The following KIF26B variants were observed in gnomAD, a reference collection of about 807,000 sequenced individuals.
KIF26B encodes the protein kinesin-like protein KIF26B.
KIF26B carries 63 observed loss-of-function variants against 151.2 expected under a neutral mutation model. That is an observed-to-expected ratio of 0.42 (90% CI 0.34 to 0.51). The LOEUF (loss-of-function observed/expected upper bound fraction) is 0.51. Among genes scored for constraint, KIF26B ranks in the 20% least tolerant of loss-of-function variants. The probability of loss-of-function intolerance (pLI) is 0.07; values close to 1 mark genes in which losing one functional copy is unlikely to be tolerated. For synonymous variants in KIF26B, 1,357 were observed against 1,262.1 expected, an observed-to-expected ratio of 1.08 and a Z score of -1.59; for missense variants, 2,813 against 2,913.6, an observed-to-expected ratio of 0.97 and a Z score of 0.79.
intron 2 of KIF26B, among the ~76,000 whole-genome samples, chr1:245,247,090 T>G (rs1302814974): frequency 1.3e-5 from 2 of 152,098 alleles, no homozygotes; most frequent in African/African-American, 2.4e-5. Flanking sequence ...TGTAAATCAC[T>G]TAGTTTTCTG....
intron 2 of KIF26B, among the ~76,000 whole-genome samples, chr1:245,231,544 A>G (rs1237458896): frequency 6.6e-6 from 1 of 152,158 alleles, no homozygotes; most frequent in East Asian, 1.9e-4. Flanking sequence ...CTAGAATCCA[A>G]GAATTCTTTA....
In KIF26B at chr1:245,562,316, T is replaced by C. The variant is rs115567502; in HGVS notation, c.1350+21366T>C. 5.2e-3 allele frequency among the ~76,000 whole-genome samples: 791 copies of C among 152,246 alleles called. 3 individuals are homozygous for C. The highest frequency in any genetic ancestry group is 8.5e-3 in the Non-Finnish European group (578 of 68,014). On this transcript the variant is annotated intron_variant, in intron 5 of 14. Coordinates refer to ENST00000407071, the MANE Select transcript of KIF26B (RefSeq NM_018012.4). ...GACTCTTCAAAAAAACATAACCTAG[T>C]GGCCCAAATCGCAATTTTACGTTAT...
Position 245,512,275 on chromosome 1 carries a change from C to T in KIF26B, c.1167-28492C>T, listed in dbSNP as rs1002487716. ...CAGAGCTACTGTCCCTCCCACCTGTCCACCCTGCCTGTTTCCCAGCCCCCA... is the reference window on the plus strand; with the variant it reads ...CAGAGCTACTGTCCCTCCCACCTGTTCACCCTGCCTGTTTCCCAGCCCCCA... On this transcript the variant is annotated intron_variant, in intron 4 of 14. Coordinates refer to ENST00000407071, the MANE Select transcript of KIF26B (RefSeq NM_018012.4). This position sits in a 1 kb window ranked among gnomAD's most constrained non-coding sequence, Gnocchi z 4.3. Among the ~76,000 whole-genome samples the T allele has an allele frequency of 6.6e-6, 1 of 152,182 alleles. No homozygotes were observed. Among genetic ancestry groups the T allele is most frequent in the African/African-American group, 2.4e-5 (1 of 41,440 alleles).
chr1:245,534,462 A>C (rs573607368), intron 4 of KIF26B, among the ~76,000 whole-genome samples: 1 of 151,884 alleles, frequency 6.6e-6, no homozygotes, highest in Non-Finnish European at 1.5e-5. Context: ...CACCTGGCCC[A>C]CTTTTTGTTT....
At chr1:245,503,994 A>T (rs1660677026) in intron 4 of KIF26B, among the ~76,000 whole-genome samples, 1 of 152,184 alleles carries the variant, frequency 6.6e-6, no homozygotes, top group African/African-American at 2.4e-5. Context: ...TTCCTAAGGA[A>T]AGGAACCTGG....
At chr1:245,619,638 G>T (rs1558239491) in intron 9 of KIF26B, among the ~76,000 whole-genome samples, 2 of 148,736 alleles carry the variant, frequency 1.3e-5, no homozygotes, top group South Asian at 2.1e-4. Context: ...TCTGGGCTGG[G>T]CGTGGTGGCT....
At chr1:245,242,052 G>A (rs961188460) in intron 2 of KIF26B, among the ~76,000 whole-genome samples, 1 of 152,170 alleles carries the variant, frequency 6.6e-6, no homozygotes, top group Non-Finnish European at 1.5e-5. Context: ...AAAAATGCCT[G>A]ACTGTTAGAT....
rs548832636 is a variant in KIF26B at position 245,265,487 on chromosome 1, T to A, written c.466-101347T>A. ...CCTCACATATCCTATATACAAAAAA[T>A]TAGTTTGAAGTAGACCAAATACATC... is the stretch of plus-strand genomic sequence containing the variant. On this transcript the variant is annotated intron_variant, in intron 2 of 14. Transcript: ENST00000407071. Among the ~76,000 whole-genome samples, 8 of 152,110 alleles carry A rather than the reference T, an allele frequency of 5.3e-5. No individual in the cohort carries two copies. In the East Asian group the frequency reaches 1.5e-3, roughly 29 times the overall value.
chr1:245,302,100 C>T (rs768293083), intron 2 of KIF26B, among the ~76,000 whole-genome samples: 6 of 152,208 alleles, frequency 3.9e-5, no homozygotes, highest in Non-Finnish European at 8.8e-5. Flanking sequence ...TCTCTGTTGT[C>T]ATAACATTCG....
chr1:245,685,681 C>A lies in KIF26B; in HGVS notation c.2698C>A (p.Arg900=). The part of the protein sequence containing the change: ...VPIVPALQKT[R]GDSRPAEAGE... The stretch of plus-strand genomic sequence containing the variant: ...TATCGTGCCAGCCCTGCAGAAGACC[C>A]GGGGCGACAGCCGGCCCGCAGAGGC... The change falls in exon 12 of 15, where the codon CGG becomes AGG. Residue 900 remains arginine, a synonymous_variant. Transcript: ENST00000407071. 6.2e-7 allele frequency: 1 copy of A among 1,612,850 alleles called. No individual in the cohort carries two copies. Among genetic ancestry groups the A allele is most frequent in the Non-Finnish European group, 8.5e-7 (1 of 1,179,780 alleles).
rs1034429962 is a variant in KIF26B at position 245,472,746 on chromosome 1, T to C, written c.1166+53001T>C. Among the ~76,000 whole-genome samples, 11 of 152,226 alleles carry C rather than the reference T, an allele frequency of 7.2e-5. 1 individual carries two copies. In the South Asian group the frequency reaches 1.4e-3, roughly 20 times the overall value. On this transcript the variant is annotated intron_variant, in intron 4 of 14. Transcript: ENST00000407071. Reference sequence around the variant, plus strand: ...ATAACTCCAGTGAACTCCTTCTTACTTTTCAAGGCCATGGCTCTTCCAAGC... The same window carrying C: ...ATAACTCCAGTGAACTCCTTCTTACCTTTCAAGGCCATGGCTCTTCCAAGC...
At chr1:245,384,493 C>T (rs1673493616) in intron 3 of KIF26B, among the ~76,000 whole-genome samples, 1 of 152,202 alleles carries the variant, frequency 6.6e-6, no homozygotes, top group Non-Finnish European at 1.5e-5. Flanking sequence ...GTGATGACAG[C>T]TCATCGCAGT....
chr1:245,395,017 T>C (rs148286539), intron 3 of KIF26B, among the ~76,000 whole-genome samples: 14 of 152,244 alleles, frequency 9.2e-5, no homozygotes, highest in Admixed American at 2.6e-4. Flanking sequence ...GTAGGTGAAA[T>C]TACTGAGTTA....
At chr1:245,294,341 A>T (rs1469498318) in intron 2 of KIF26B, among the ~76,000 whole-genome samples, 1 of 152,260 alleles carries the variant, frequency 6.6e-6, no homozygotes, top group East Asian at 1.9e-4. Flanking sequence ...GGGTCTAACT[A>T]TACAGGACAA....
chr1:245,364,843 GA>G (rs1672906255), intron 2 of KIF26B, among the ~76,000 whole-genome samples: 1 of 152,118 alleles, frequency 6.6e-6, no homozygotes, highest in African/African-American at 2.4e-5. Context: ...TTGGTGCCTT[GA>G]GAGCATAAGC....
chr1:245,201,980 T>C (rs1419414677), intron 2 of KIF26B, among the ~76,000 whole-genome samples: 1 of 152,200 alleles, frequency 6.6e-6, no homozygotes, highest in Non-Finnish European at 1.5e-5. Context: ...TCAGCCTGAA[T>C]ATTTAAAGGC....
At chr1:245,527,401 T>TTAC (rs1661260277) in intron 4 of KIF26B, among the ~76,000 whole-genome samples, 2 of 152,070 alleles carry the variant, frequency 1.3e-5, no homozygotes, top group African/African-American at 4.8e-5. Context: ...AATAGCTGGG[T>TTAC]TGTAGGTACA....
chr1:245,225,315 A>G (rs999293551), intron 2 of KIF26B, among the ~76,000 whole-genome samples: 1 of 152,238 alleles, frequency 6.6e-6, no homozygotes, highest in Admixed American at 6.5e-5. Context: ...GCCCTTTGCC[A>G]TAGGAAACTA....
intron 2 of KIF26B, among the ~76,000 whole-genome samples, chr1:245,270,161 T>TCTTTCCTTCCTTCTTCC (rs74163030): frequency 6.9e-4 from 62 of 89,920 alleles, no homozygotes; most frequent in African/African-American, 2.3e-3. Flanking sequence ...TCTTCCTTTC[T>TCTTTCCTTCCTTCTTCC]CTTCCCTCCC....
Sources: allele counts gnomAD v4.1 joint callset (sites outside exome capture counted in the v4.1 genomes callset), GRCh38; gene constraint gnomAD v4.1.1; non-coding constraint Gnocchi (gnomAD v3.1); transcripts MANE v1.5; gene names NCBI Gene and HGNC (gene_info 2026-07-23, HGNC 2026-07-21).